Variants in SOAT2 observed in about 807,000 individuals in gnomAD.
The protein encoded by SOAT2 is ACAT-2.
Under a neutral mutation model 76.0 loss-of-function variants are expected in SOAT2, and 87 were observed. That is an observed-to-expected ratio of 1.14 (90% confidence interval 0.96 to 1.37). The LOEUF (loss-of-function observed/expected upper bound fraction) is 1.37. SOAT2 is among the 40% of genes most tolerant of loss of function. SOAT2 has a pLI of 0.00. For synonymous variants in SOAT2, 285 were observed against 275.4 expected (o/e 1.03, Z -0.34); for missense variants, 686 against 682.1 (o/e 1.01, Z -0.06).
intron 7 of SOAT2, among the ~76,000 whole-genome samples, chr12:53,117,651 G>A (rs1417454318): frequency 6.6e-6 from 1 of 152,038 alleles, no homozygotes; most frequent in African/African-American, 2.4e-5. Flanking sequence ...GTGACTCATG[G>A]TGGTGGAGAG....
chr12:53,113,305 G>C (rs193180063), intron 5 of SOAT2, among the ~76,000 whole-genome samples: 3 of 152,292 alleles, frequency 2.0e-5, no homozygotes, highest in African/African-American at 7.2e-5. Context: ...GAAAACAATA[G>C]GCTCCCGGCA....
intron 9 of SOAT2, 21 bp downstream of exon 9, chr12:53,118,956 G>A (rs370861948): frequency 2.7e-4 from 432 of 1,613,864 alleles, no homozygotes; most frequent in Non-Finnish European, 3.5e-4. Flanking sequence ...AGGGTAGAAG[G>A]GTGGACCTGT....
intron 5 of SOAT2, among the ~76,000 whole-genome samples, chr12:53,107,725 C>A (rs1332266614): frequency 6.6e-6 from 1 of 150,722 alleles, no homozygotes; most frequent in Non-Finnish European, 1.5e-5. Flanking sequence ...TGGGTTCAAG[C>A]GAATCTCCAA....
intron 7 of SOAT2, 99 bp from the exon 8 acceptor site, chr12:53,118,251 T>G: frequency 1.2e-5 from 3 of 247,788 alleles, no homozygotes; most frequent in Non-Finnish European, 1.7e-5. Flanking sequence ...ACCCTATCCA[T>G]TTCTCCACTC....
chr12:53,103,685 G>A, intron 1 of SOAT2, 26 bp downstream of exon 1: 1 of 1,494,898 alleles, frequency 6.7e-7, no homozygotes, highest in Non-Finnish European at 8.9e-7. Flanking sequence ...GGGTGCAGAA[G>A]GCACAGGCAA....
intron 2 of SOAT2, among the ~76,000 whole-genome samples, chr12:53,104,676 T>TA (rs978537859): frequency 1.6e-4 from 25 of 152,176 alleles, no homozygotes; most frequent in African/African-American, 5.8e-4. Context: ...AGCCAGTAGA[T>TA]AGAGTCTTCC....
At chr12:53,106,447 GACATGTAACCAAGTGCC>G (rs1302328901) in intron 5 of SOAT2, among the ~76,000 whole-genome samples, 1 of 152,260 alleles carries the variant, frequency 6.6e-6, no homozygotes, top group Non-Finnish European at 1.5e-5. Context: ...GGGGAAGACA[GACATGTAACCAAGTGCC>G]TGGGTGGGTC....
intron 12 of SOAT2, among the ~76,000 whole-genome samples, chr12:53,121,870 G>A (rs1280150858): frequency 7.9e-6 from 1 of 126,844 alleles, no homozygotes; most frequent in African/African-American, 3.1e-5. Context: ...AGAGTGGCAC[G>A]ATCTTGGCTC....
intron 3 of SOAT2, 40 bp downstream of exon 3, chr12:53,105,283 A>G: frequency 1.3e-6 from 2 of 1,583,308 alleles, no homozygotes; most frequent in Non-Finnish European, 1.7e-6. Flanking sequence ...CTCTGTAGCA[A>G]GGATCATGAG....
Position 53,124,268 on chromosome 12 carries a change from G to A in SOAT2, c.*145G>A, listed in dbSNP as rs1373985722. On this transcript the variant is annotated 3_prime_UTR_variant, in exon 15 of 15. Coordinates refer to ENST00000301466, the MANE Select transcript of SOAT2 (RefSeq NM_003578.4). ...CAAGACCCCACCAAGGAATGTGCAA[G>A]GACTGAGATCTGCAGACTTGTGGGT... The A allele has an allele frequency of 1.3e-6, 1 of 760,124 alleles. No homozygotes were observed. Among genetic ancestry groups the A allele is most frequent in the Non-Finnish European group, 2.3e-6 (1 of 442,326 alleles). The allele number at this position is 760,124 out of a possible 1,614,324, so 47.1% of individuals were successfully genotyped here. A position where few individuals can be genotyped will look rare whatever the true frequency, so the allele number is the denominator to read the frequency against.
intron 5 of SOAT2, 66 bp downstream of exon 5, chr12:53,106,080 C>A: frequency 8.8e-7 from 1 of 1,136,900 alleles, no homozygotes; most frequent in Non-Finnish European, 1.3e-6. Context: ...CCTCAGTGCC[C>A]CACCTGCCCT....
At chr12:53,119,026 A>C in intron 9 of SOAT2, 91 bp downstream of exon 9, 1 of 1,609,806 alleles carries the variant, frequency 6.2e-7, no homozygotes, top group Non-Finnish European at 8.5e-7. Context: ...TGGGAGGGTG[A>C]TGCCAAGGGA....
intron 7 of SOAT2, among the ~76,000 whole-genome samples, chr12:53,116,465 T>C (rs371708175): frequency 2.0e-5 from 3 of 152,354 alleles, no homozygotes; most frequent in East Asian, 3.9e-4. Context: ...GCAGAGTATA[T>C]TTAGCATCAT....
At chr12:53,121,516 G>A (rs747271273) in intron 12 of SOAT2, 115 bp downstream of exon 12, 39 of 810,754 alleles carry the variant, frequency 4.8e-5, no homozygotes, top group Non-Finnish European at 7.7e-5. Flanking sequence ...AGGGCCTAAG[G>A]GCCGTTTTGA....
chr12:53,121,351 G>T lies in SOAT2; in HGVS notation c.1186G>T (p.Val396Leu). Residue 396 changes from valine (V) to leucine (L), a missense_variant, in exon 12 of 15, where the codon GTG (valine) becomes TTG (leucine). Physicochemically the swap from Val to Leu is conservative, Grantham distance 32. Transcript: ENST00000301466. ...SFSNYYRTWN[V>L]VVHDWLYSYV... Reference sequence around the variant, plus strand: ...CTCCAACTACTACCGCACTTGGAACGTGGTGGTCCATGACTGGCTGTACAG... The same window carrying T: ...CTCCAACTACTACCGCACTTGGAACTTGGTGGTCCATGACTGGCTGTACAG... The T allele has an allele frequency of 1.2e-6, 2 of 1,614,176 alleles. No individual in the cohort carries two copies. The highest frequency in any genetic ancestry group is 1.7e-6 in the Non-Finnish European group (2 of 1,180,020).
chr12:53,103,749 A>T, intron 1 of SOAT2, 90 bp downstream of exon 1: 4 of 1,076,796 alleles, frequency 3.7e-6, no homozygotes, highest in Non-Finnish European at 5.2e-6. Context: ...CAACTGCCTG[A>T]TGCCAATCCT....
Position 53,121,793 on chromosome 12 carries a change from C to CTTT in SOAT2, c.1236+421_1236+423dup, listed in dbSNP as rs56848843. ...TAAGTCCCAATGGGATAGTAGCATG[C>CTTT]TTTTTTTTTTTTTTTTTTTTTTTTT... On this transcript the variant is annotated intron_variant, in intron 12 of 14. Transcript: ENST00000301466. Among the ~76,000 whole-genome samples the CTTT allele has an allele frequency of 1.9e-3, 107 of 56,866 alleles. 14 individuals are homozygous for CTTT. Among genetic ancestry groups the CTTT allele is most frequent in the African/African-American group, 2.2e-3 (28 of 12,628 alleles). 37.3% of individuals were successfully genotyped at this position (56,866 alleles called of 152,430 possible). A position where few individuals can be genotyped will look rare whatever the true frequency, so the allele number is the denominator to read the frequency against.
Position 53,115,597 on chromosome 12 carries a change from C to T in SOAT2, c.651C>T (p.His217=), listed in dbSNP as rs776678249. ...HAVVLCALPV[H]VAVEHQLPPA... ...TGGTGCTCTGCGCGCTGCCGGTCCA[C>T]GTGGCCGTGGAGCATCAGCTCCCGC... The change falls in exon 6 of 15, where the codon CAC becomes CAT. Residue 217 remains histidine, a synonymous_variant. Coordinates refer to ENST00000301466, the MANE Select transcript of SOAT2 (RefSeq NM_003578.4). The T allele has an allele frequency of 6.4e-7, 1 of 1,573,890 alleles. No individual in the cohort carries two copies. Among genetic ancestry groups the T allele is most frequent in the Non-Finnish European group, 8.6e-7 (1 of 1,165,826 alleles).
chr12:53,111,217 T>A (rs1938006653), intron 5 of SOAT2, among the ~76,000 whole-genome samples: 1 of 151,840 alleles, frequency 6.6e-6, no homozygotes, highest in Non-Finnish European at 1.5e-5. Context: ...GCCATTCTCC[T>A]GCCTCAGCCT....
Sources: gnomAD v4.1 joint callset for allele counts (sites outside exome capture counted in the v4.1 genomes callset) on GRCh38, gnomAD v4.1.1 for gene constraint, MANE v1.5 for transcripts, NCBI Gene and HGNC (gene_info 2026-07-23, HGNC 2026-07-21) for gene names.